PATE4: variants seen among roughly 807,000 people sequenced by gnomAD.
The protein encoded by PATE4 is prostate and testis expressed protein 4.
PATE4 carries 13 observed loss-of-function variants against 8.5 expected under a neutral mutation model. The ratio of observed to expected loss-of-function variants is 1.53; its 90% CI spans 1.00 to 2.43. PATE4 has a LOEUF of 2.43. PATE4 is among the 30% of genes most tolerant of loss of function. The pLI is 0.00. For missense variants in PATE4, 127 were observed against 115.5 expected (o/e 1.10, Z -0.46); for synonymous variants, 47 against 39.3 (o/e 1.20, Z -0.73).
At position 125,839,300 on chromosome 11, in the gene PATE4, T is replaced by G. The variant is rs1272653093; in HGVS notation, c.*873T>G. On this transcript the variant is annotated 3_prime_UTR_variant, in exon 3 of 3. Coordinates refer to ENST00000457514, the MANE Select transcript of PATE4 (RefSeq NM_001144874.1). ...AGTATCCACCGCTCAGGGCTTACAG[T>G]GACCTGCAGGAAGAGAGGAATAACA... 2.0e-5 allele frequency: 3 copies of G among 152,188 alleles called. No individual in the cohort carries two copies. The highest frequency in any genetic ancestry group is 2.9e-5 in the Non-Finnish European group (2 of 68,044). The allele number at this position is 152,188 out of a possible 1,614,324, so 9.4% of individuals were successfully genotyped here. A position where few individuals can be genotyped will look rare whatever the true frequency, so the allele number is the denominator to read the frequency against.
intron 2 of PATE4, 76 bp downstream of exon 2, chr11:125,838,060 T>G (rs1193020580): frequency 8.3e-7 from 1 of 1,201,536 alleles, no homozygotes; most frequent in African/African-American, 1.5e-5. Flanking sequence ...AATAAAGAAC[T>G]CGATATCATT....
chr11:125,834,513 C>T (rs563423498), intron 1 of PATE4, among the ~76,000 whole-genome samples: 1 of 152,138 alleles, frequency 6.6e-6, no homozygotes, highest in Non-Finnish European at 1.5e-5. Flanking sequence ...AGATTGTCAA[C>T]ATCCAGGAGT....
Position 125,838,942 on chromosome 11 carries a change from T to C in PATE4, c.*515T>C, listed in dbSNP as rs11220237. 0.17 allele frequency: 25,663 copies of C among 152,236 alleles called. 2,196 individuals are homozygous for C. Among genetic ancestry groups the C allele is most frequent in the Middle Eastern group, 0.19 (55 of 294 alleles). The allele number at this position is 152,236 out of a possible 1,614,324, so 9.4% of individuals were successfully genotyped here. A position where few individuals can be genotyped will look rare whatever the true frequency, so the allele number is the denominator to read the frequency against. ...ATAATGGAAGCAGAGATTGGAGCCA[T>C]GTGCTTTGAAGATGGAGGAATAGGC... On this transcript the variant is annotated 3_prime_UTR_variant, in exon 3 of 3. Coordinates refer to ENST00000457514, the MANE Select transcript of PATE4 (RefSeq NM_001144874.1).
At position 125,838,918 on chromosome 11, in the gene PATE4, T is replaced by C. The variant is rs774757501; in HGVS notation, c.*491T>C. 6.6e-6 allele frequency: 1 copy of C among 152,386 alleles called. No individual in the cohort carries two copies. The highest frequency in any genetic ancestry group is 1.5e-5 in the Non-Finnish European group (1 of 68,262). 9.4% of individuals were successfully genotyped at this position (152,386 alleles called of 1,614,324 possible). On this transcript the variant is annotated 3_prime_UTR_variant, in exon 3 of 3. Coordinates refer to ENST00000457514, the MANE Select transcript of PATE4 (RefSeq NM_001144874.1). ...CAAAGAAGAGGAAAAGATGATGTGATAATGGAAGCAGAGATTGGAGCCATG... is the reference window on the plus strand; with the variant it reads ...CAAAGAAGAGGAAAAGATGATGTGACAATGGAAGCAGAGATTGGAGCCATG...
intron 1 of PATE4, among the ~76,000 whole-genome samples, chr11:125,837,657 A>G (rs1317837175): frequency 6.6e-6 from 1 of 152,186 alleles, no homozygotes; most frequent in Non-Finnish European, 1.5e-5. Flanking sequence ...ATATAAATGG[A>G]CCCTATTCAG....
intron 1 of PATE4, among the ~76,000 whole-genome samples, chr11:125,833,779 T>C (rs1466286914): frequency 6.6e-6 from 1 of 152,166 alleles, no homozygotes; most frequent in Non-Finnish European, 1.5e-5. Flanking sequence ...TTCTACCTGA[T>C]CATTAAACAC....
chr11:125,836,903 A>G (rs929736936), intron 1 of PATE4, among the ~76,000 whole-genome samples: 2 of 152,182 alleles, frequency 1.3e-5, no homozygotes, highest in African/African-American at 4.8e-5. Flanking sequence ...TCAATTCAAC[A>G]TTGCTGAGTG....
chr11:125,837,244 C>T (rs1943926927), intron 1 of PATE4, among the ~76,000 whole-genome samples: 1 of 152,198 alleles, frequency 6.6e-6, no homozygotes, highest in South Asian at 2.1e-4. Context: ...CTCCTCTTAC[C>T]TCCTGGTCAC....
chr11:125,834,709 A>C (rs931837745), intron 1 of PATE4, among the ~76,000 whole-genome samples: 1 of 152,206 alleles, frequency 6.6e-6, no homozygotes, highest in Non-Finnish European at 1.5e-5. Context: ...CTCCCACACA[A>C]ATGAAATATG....
rs546343579 is a variant in PATE4, at chr11:125,838,397, C to A, written c.267C>A (p.Cys89Ter). ...GAGGCCTGTTGAGAGTGACACTGTG[C>A]TGTGACAGAAACTTCTGTAATGTCT... Reference protein sequence around the residue: ...SKRGLLRVTLCCDRNFCNVF With the variant: ...SKRGLLRVTL Residue 89 changes from cysteine (C) to a stop codon, truncating the protein, a stop_gained, in exon 3 of 3, where the codon TGC becomes TGA. Coordinates refer to ENST00000457514, the MANE Select transcript of PATE4 (RefSeq NM_001144874.1). LOFTEE classifies it high-confidence loss of function. The A allele has an allele frequency of 4.9e-5, 76 of 1,550,564 alleles. No homozygotes were observed. Among genetic ancestry groups the A allele is most frequent in the Non-Finnish European group, 6.5e-5 (74 of 1,146,644 alleles).
In PATE4 at chr11:125,833,395, A is replaced by C; in HGVS notation, c.36A>C (p.Leu12Phe). ...RKMNTLLLVS[L>F]SFLYLKEVMG... is the part of the protein sequence containing the mutation. ...TGAACACACTGCTCCTTGTGAGCTT[A>C]TCTTTTCTCTACCTCAAAGAGGGTA... The change falls in exon 1 of 3, where the codon TTA becomes TTC. Residue 12 changes from leucine to phenylalanine, a missense_variant. By Grantham distance (22) the Leu-to-Phe change is conservative. Coordinates refer to ENST00000457514, the MANE Select transcript of PATE4 (RefSeq NM_001144874.1). The C allele has an allele frequency of 1.9e-6, 3 of 1,551,578 alleles. No homozygotes were observed. Among genetic ancestry groups the C allele is most frequent in the Non-Finnish European group, 2.6e-6 (3 of 1,146,890 alleles).
rs1943932409 is a variant in PATE4 at position 125,837,981 on chromosome 11, AG to A, written c.175+1del. 1 of 1,550,620 alleles carries A rather than the reference AG, an allele frequency of 6.4e-7. No individual in the cohort carries two copies. Among genetic ancestry groups the A allele is most frequent in the African/African-American group, 1.4e-5 (1 of 73,016 alleles). On this transcript the variant is annotated frameshift_variant and splice_region_variant, in exon 2 of 3. Transcript: ENST00000457514. LOFTEE classifies it low-confidence loss of function (END_TRUNC). ...GTTATGTTCAACAACAGCCTATTTC[AG>A]GGGTAAGTGGGGCTCATGAAGACTC... ...NELCSTTAYF[R>X]GDKHMYSTHM...
Position 125,833,317 on chromosome 11 carries a change from A to G in PATE4, c.-43A>G. Reference sequence around the variant, plus strand: ...AGCAAGCTAGTGGCTGCCCTTTCCAATACCTCACTCAGCACACCGTCTGTC... The same window carrying G: ...AGCAAGCTAGTGGCTGCCCTTTCCAGTACCTCACTCAGCACACCGTCTGTC... On this transcript the variant is annotated 5_prime_UTR_variant, in exon 1 of 3. Transcript: ENST00000457514. 6.5e-7 allele frequency: 1 copy of G among 1,538,732 alleles called. No individual in the cohort carries two copies. Among genetic ancestry groups the G allele is most frequent in the Non-Finnish European group, 8.8e-7 (1 of 1,135,456 alleles).
At chr11:125,836,939 G>A (rs1006446626) in intron 1 of PATE4, among the ~76,000 whole-genome samples, 3 of 152,160 alleles carry the variant, frequency 2.0e-5, no homozygotes, top group Admixed American at 6.5e-5. Flanking sequence ...AAACTTTAGG[G>A]TTATGCAAAG....
In PATE4 at chr11:125,838,895, A is replaced by G. The variant is rs531206501; in HGVS notation, c.*468A>G. 6.5e-6 allele frequency: 1 copy of G among 153,006 alleles called. No individual in the cohort carries two copies. Among genetic ancestry groups the G allele is most frequent in the South Asian group, 2.1e-4 (1 of 4,838 alleles). 9.5% of individuals were successfully genotyped at this position (153,006 alleles called of 1,614,324 possible). On this transcript the variant is annotated 3_prime_UTR_variant, in exon 3 of 3. Transcript: ENST00000457514. ...GATGCAAGTAAAGGGAGATATGACA[A>G]AGAAGAGGAAAAGATGATGTGATAA...
At chr11:125,836,374 A>G (rs914528890) in intron 1 of PATE4, among the ~76,000 whole-genome samples, 8 of 152,080 alleles carry the variant, frequency 5.3e-5, no homozygotes, top group African/African-American at 1.9e-4. Context: ...AACCATACTC[A>G]TGTCTTTGGC....
chr11:125,837,242 A>ACCT (rs1328559492), intron 1 of PATE4, among the ~76,000 whole-genome samples: 1 of 151,856 alleles, frequency 6.6e-6, no homozygotes, highest in Non-Finnish European at 1.5e-5. Flanking sequence ...CTCTCCTCTT[A>ACCT]CCTCCTGGTC....
In PATE4 at chr11:125,838,430, G is replaced by C; in HGVS notation, c.*3G>C. The C allele has an allele frequency of 6.5e-7, 1 of 1,541,726 alleles. No homozygotes were observed. Among genetic ancestry groups the C allele is most frequent in the Non-Finnish European group, 8.7e-7 (1 of 1,144,608 alleles). ...GAAACTTCTGTAATGTCTTCTAATG[G>C]AGCTTAGGAACTTGCAGAGGATCAT... On this transcript the variant is annotated 3_prime_UTR_variant, in exon 3 of 3. Coordinates refer to ENST00000457514, the MANE Select transcript of PATE4 (RefSeq NM_001144874.1).
At position 125,839,693 on chromosome 11, in the gene PATE4, G is replaced by A. The variant is rs1943946911; in HGVS notation, c.*1266G>A. The A allele has an allele frequency of 6.6e-6, 1 of 152,224 alleles. No individual in the cohort carries two copies. Among genetic ancestry groups the A allele is most frequent in the Non-Finnish European group, 1.5e-5 (1 of 68,082 alleles). 9.4% of individuals were successfully genotyped at this position (152,224 alleles called of 1,614,324 possible). A position where few individuals can be genotyped will look rare whatever the true frequency, so the allele number is the denominator to read the frequency against. On this transcript the variant is annotated 3_prime_UTR_variant, in exon 3 of 3. Coordinates refer to ENST00000457514, the MANE Select transcript of PATE4 (RefSeq NM_001144874.1). ...TCACATAGTGACAGACAAGAGAAGAGAGATTGTGCAGGAAAACTCTCCCTT... is the reference window on the plus strand; with the variant it reads ...TCACATAGTGACAGACAAGAGAAGAAAGATTGTGCAGGAAAACTCTCCCTT...
Sources: allele counts gnomAD v4.1 joint callset (sites outside exome capture counted in the v4.1 genomes callset), GRCh38; gene constraint gnomAD v4.1.1; transcripts MANE v1.5; gene names NCBI Gene and HGNC (gene_info 2026-07-23, HGNC 2026-07-21).